Variants in PDE10A observed in about 807,000 individuals in gnomAD.
PDE10A encodes phosphodiesterase 10A.
A neutral mutation model predicts 97.7 loss-of-function variants in PDE10A; 39 were observed. The observed-to-expected ratio is 0.40, with a 90% confidence interval of 0.31 to 0.52. PDE10A has a LOEUF of 0.52. Ranked by LOEUF, PDE10A falls within the 20% of genes least tolerant of loss-of-function variation. The pLI is 0.56. For synonymous variants in PDE10A, 371 were observed against 376.8 expected, an observed-to-expected ratio of 0.98 and a Z score of 0.18; for missense variants, 731 against 1,047.8, an observed-to-expected ratio of 0.70 and a Z score of 4.17.
intron 3 of PDE10A, among the ~76,000 whole-genome samples, chr6:165,457,737 T>C (rs575278418): frequency 6.6e-6 from 1 of 152,228 alleles, no homozygotes; most frequent in African/African-American, 2.4e-5. Context: ...TAGGGGGAAA[T>C]AATATTTTAC....
intron 13 of PDE10A, among the ~76,000 whole-genome samples, chr6:165,411,141 G>A (rs911770309): frequency 2.8e-5 from 4 of 142,032 alleles, no homozygotes; most frequent in Admixed American, 7.1e-5. Flanking sequence ...AGGTGTATAC[G>A]CTTTAAAAAT....
At chr6:165,689,395 T>G (rs1048236849) in intron 1 of PDE10A, among the ~76,000 whole-genome samples, 2 of 152,194 alleles carry the variant, frequency 1.3e-5, no homozygotes, top group African/African-American at 2.4e-5. Flanking sequence ...TGGAGAAATG[T>G]CCCTGATACA....
intron 1 of PDE10A, among the ~76,000 whole-genome samples, chr6:165,705,118 A>G (rs1036087741): frequency 1.3e-5 from 2 of 152,188 alleles, no homozygotes; most frequent in African/African-American, 4.8e-5. Flanking sequence ...ACACCTGGGG[A>G]CCAGCATGGA....
intron 1 of PDE10A, among the ~76,000 whole-genome samples, chr6:165,640,831 A>C (rs548750310): frequency 6.6e-6 from 1 of 152,338 alleles, no homozygotes; most frequent in African/African-American, 2.4e-5. Flanking sequence ...GAATAATATA[A>C]CTCATCTATT....
chr6:165,710,938 G>A (rs750821158), intron 1 of PDE10A, among the ~76,000 whole-genome samples: 14 of 152,182 alleles, frequency 9.2e-5, no homozygotes, highest in African/African-American at 2.9e-4. Context: ...ATGAGGTCCC[G>A]GCTAAGAGCC....
intron 2 of PDE10A, among the ~76,000 whole-genome samples, chr6:165,513,585 G>A (rs1781627343): frequency 6.6e-6 from 1 of 152,038 alleles, no homozygotes; most frequent in Admixed American, 6.6e-5. Flanking sequence ...GACCTGCGGG[G>A]ATTTTCATAA....
chr6:165,903,117 G>A (rs995202655), intron 1 of PDE10A, among the ~76,000 whole-genome samples: 4 of 152,152 alleles, frequency 2.6e-5, no homozygotes, highest in African/African-American at 4.8e-5. Flanking sequence ...TAAAATTGAG[G>A]TATGATAAAG....
chr6:165,337,272 G>A (rs1781707519), intron 20 of PDE10A, among the ~76,000 whole-genome samples: 1 of 152,188 alleles, frequency 6.6e-6, no homozygotes, highest in Non-Finnish European at 1.5e-5. Context: ...CTAGTCATAA[G>A]TCACTGGCCA....
chr6:165,796,197 G>A (rs1029023096), intron 1 of PDE10A, among the ~76,000 whole-genome samples: 1 of 139,900 alleles, frequency 7.1e-6, no homozygotes, highest in Admixed American at 8.0e-5. Flanking sequence ...CCGAGTTCAC[G>A]CCATTCTCCT....
intron 1 of PDE10A, among the ~76,000 whole-genome samples, chr6:165,807,843 T>A (rs995413048): frequency 2.0e-5 from 3 of 152,160 alleles, no homozygotes; most frequent in Admixed American, 6.5e-5. Flanking sequence ...TTTTTGGAGT[T>A]AGGTACGCCT....
In PDE10A at chr6:165,428,645, A is replaced by AAAAACAACCTACC. The variant is rs1407039949; in HGVS notation, c.1653_1653+12dup. On this transcript the variant is annotated intron_variant, in intron 10 of 21. Transcript: ENST00000539869. The stretch of plus-strand genomic sequence containing the variant: ...GGTTAAACAGAATCATACTCAGAAC[A>AAAAACAACCTACC]AAAACAACCTACCATTATGTGTTCA... The AAAAACAACCTACC allele has an allele frequency of 4.9e-6, 6 of 1,234,200 alleles. No homozygotes were observed. The highest frequency in any genetic ancestry group is 5.9e-6 in the Non-Finnish European group (5 of 846,640). 76.5% of individuals were successfully genotyped at this position (1,234,200 alleles called of 1,614,324 possible).
chr6:165,571,139 G>A (rs1345550802), intron 1 of PDE10A, among the ~76,000 whole-genome samples: 1 of 152,174 alleles, frequency 6.6e-6, no homozygotes, highest in Non-Finnish European at 1.5e-5. Context: ...ATTACTTCTA[G>A]TAATTTCATT....
intron 3 of PDE10A, among the ~76,000 whole-genome samples, chr6:165,455,266 G>C (rs1777885803): frequency 6.6e-6 from 1 of 152,150 alleles, no homozygotes; most frequent in South Asian, 2.1e-4. Flanking sequence ...ATGGAGATCA[G>C]GTGATCAATG....
At chr6:165,392,510 G>C (rs1785799039) in intron 16 of PDE10A, 136 bp downstream of exon 16, 2 of 655,462 alleles carry the variant, frequency 3.1e-6, no homozygotes, top group South Asian at 2.3e-5. Flanking sequence ...GTCTAAAAAT[G>C]GGCTACTATT....
intron 1 of PDE10A, among the ~76,000 whole-genome samples, chr6:165,853,122 G>C (rs1034689680): frequency 6.6e-6 from 1 of 152,174 alleles, no homozygotes; most frequent in African/African-American, 2.4e-5. Flanking sequence ...CGGAGTCTGC[G>C]TTTATCAACT....
chr6:165,807,917 G>A (rs1779181852), intron 1 of PDE10A, among the ~76,000 whole-genome samples: 1 of 152,194 alleles, frequency 6.6e-6, no homozygotes, highest in African/African-American at 2.4e-5. Flanking sequence ...AAAATCCAGT[G>A]TGCTAGTGTG....
chr6:165,829,897 G>T (rs1779862220), intron 1 of PDE10A, among the ~76,000 whole-genome samples: 1 of 152,184 alleles, frequency 6.6e-6, no homozygotes, highest in African/African-American at 2.4e-5. Context: ...AACAGCACCA[G>T]AAGAAAGGTG....
At chr6:165,619,985 G>A (rs1015000248) in intron 1 of PDE10A, among the ~76,000 whole-genome samples, 5 of 152,126 alleles carry the variant, frequency 3.3e-5, no homozygotes, top group Non-Finnish European at 7.4e-5. Context: ...TAGAGACCCT[G>A]TAGTAAACTT....
At chr6:165,589,720 T>A (rs1006400274) in intron 1 of PDE10A, among the ~76,000 whole-genome samples, 2 of 152,058 alleles carry the variant, frequency 1.3e-5, no homozygotes, top group African/African-American at 4.8e-5. Context: ...TGAGAAAAAT[T>A]ATAAATTTGA....
Sources: allele counts gnomAD v4.1 joint callset (sites outside exome capture counted in the v4.1 genomes callset), GRCh38; gene constraint gnomAD v4.1.1; transcripts MANE v1.5; gene names NCBI Gene and HGNC (gene_info 2026-07-23, HGNC 2026-07-21).